Variants in SPATA6 observed in about 807,000 individuals in gnomAD.
The protein encoded by SPATA6 is spermatogenesis associated 6.
A neutral mutation model predicts 65.3 loss-of-function variants in SPATA6; 56 were observed. The observed-to-expected ratio is 0.86, with a 90% CI of 0.69 to 1.07. SPATA6 has a LOEUF of 1.07. Among genes scored for constraint, SPATA6 ranks in the 50% least tolerant of loss-of-function variants. The pLI is 0.00. For synonymous variants in SPATA6, 199 were observed against 213.2 expected (o/e 0.93, Z 0.58); for missense variants, 590 against 594.8 (o/e 0.99, Z 0.08).
chr1:48,408,309 T>A (rs1031099077), intron 5 of SPATA6, among the ~76,000 whole-genome samples: 1 of 152,226 alleles, frequency 6.6e-6, no homozygotes, highest in Non-Finnish European at 1.5e-5. Context: ...TGAAATGGCA[T>A]GGGCTTCTCT....
Position 48,393,656 on chromosome 1 carries a change from T to TA in SPATA6, c.868+1610dup, listed in dbSNP as rs146874896. ...CTGAATTAGTCTGCTCAGGCTGCCA[T>TA]AACAAAATATCATGGACTGGGTAGC... On this transcript the variant is annotated intron_variant, in intron 8 of 12. Coordinates refer to ENST00000371847, the MANE Select transcript of SPATA6 (RefSeq NM_019073.4). 4.5e-3 allele frequency among the ~76,000 whole-genome samples: 692 copies of TA among 152,232 alleles called. 4 individuals are homozygous for TA. The highest frequency in any genetic ancestry group is 0.015 in the African/African-American group (618 of 41,546).
chr1:48,376,528 T>TAA (rs529011057), intron 9 of SPATA6, among the ~76,000 whole-genome samples: 2,088 of 140,978 alleles, frequency 0.015, 48 homozygotes, highest in African/African-American at 0.051. Context: ...TCCTGGAATT[T>TAA]AAAAAAAAAA....
In SPATA6 at chr1:48,325,604, T is replaced by C. The variant is rs866353005; in HGVS notation, c.1195-19726A>G. The C allele has an allele frequency of 1.8e-5, 15 of 827,734 alleles. No homozygotes were observed. The Middle Eastern group carries it at 2.8e-3, about 154-fold the overall frequency. 51.3% of individuals were successfully genotyped at this position (827,734 alleles called of 1,614,324 possible). ...AATGGTAAAGGTGGAAATCCACTTG[T>C]TGTGGGCAGTGTTGAACTATGTCAG... On this transcript the variant is annotated intron_variant, in intron 11 of 12. Coordinates refer to ENST00000371847, the MANE Select transcript of SPATA6 (RefSeq NM_019073.4).
chr1:48,262,212 G>A, the SPATA6 span: 2 of 152,278 alleles, frequency 1.3e-5, no homozygotes, highest in Non-Finnish European at 2.9e-5. Flanking sequence ...AGTGAACCAT[G>A]AGTGCTGAAT....
Position 48,403,823 on chromosome 1 carries a change from A to T in SPATA6, c.465T>A (p.Ser155Arg). The T allele has an allele frequency of 4.3e-6, 7 of 1,609,332 alleles. No homozygotes were observed. The highest frequency in any genetic ancestry group is 5.9e-6 in the Non-Finnish European group (7 of 1,178,184). ...TAACCTGAGTGTGGCATTTCCTTGA[A>T]CTTATCAGACATTCAGTAATCACTG... ...TTSVITECLI[S>R]SRKCHTQDKF... Residue 155 changes from serine to arginine, a missense_variant, in exon 6 of 13, where the codon AGT becomes AGA. By Grantham distance (110) the Ser-to-Arg change is moderately radical (BLOSUM62 -1). Transcript: ENST00000371847.
intron 11 of SPATA6, among the ~76,000 whole-genome samples, chr1:48,320,132 G>A (rs1380009180): frequency 3.9e-5 from 6 of 152,080 alleles, no homozygotes; most frequent in African/African-American, 1.4e-4. Context: ...GTCTCAAAAG[G>A]ACAAATCTAA....
chr1:48,464,842 A>ATACATT (rs1185151170), intron 1 of SPATA6, among the ~76,000 whole-genome samples: 1 of 152,154 alleles, frequency 6.6e-6, no homozygotes, highest in African/African-American at 2.4e-5. Context: ...ATTGGTGATT[A>ATACATT]TACATTTACG....
At chr1:48,307,200 C>T (rs1035202972) in intron 11 of SPATA6, among the ~76,000 whole-genome samples, 1 of 151,336 alleles carries the variant, frequency 6.6e-6, no homozygotes, top group Non-Finnish European at 1.5e-5. Context: ...AGTAAAAATA[C>T]AACTACTAAA....
intron 11 of SPATA6, among the ~76,000 whole-genome samples, chr1:48,340,241 TAAAAAAAAAAAAAA>T (rs58721253): frequency 1.5e-4 from 8 of 53,052 alleles, no homozygotes; most frequent in Admixed American, 4.4e-4. Flanking sequence ...AGGCCTGCAC[TAAAAAAAAAAAAAA>T]AAAAAAAAAA....
intron 3 of SPATA6, among the ~76,000 whole-genome samples, chr1:48,415,390 T>C (rs1652665616): frequency 6.6e-6 from 1 of 152,214 alleles, no homozygotes; most frequent in South Asian, 2.1e-4. Flanking sequence ...TCATAGCCTT[T>C]CCCCATATTT....
intron 1 of SPATA6, among the ~76,000 whole-genome samples, chr1:48,461,153 T>C (rs1358051743): frequency 1.3e-5 from 2 of 152,194 alleles, no homozygotes; most frequent in Non-Finnish European, 2.9e-5. Context: ...GAAGTGTCTG[T>C]TCATATCCTT....
rs1427619160 is a variant in SPATA6, at chr1:48,379,947, A to G, written c.909+5362T>C. ...AAAATAAAACTCACCACAACAAATA[A>G]GTATGTGAAGTAATAGATACATTAA... On this transcript the variant is annotated intron_variant, in intron 9 of 12. Coordinates refer to ENST00000371847, the MANE Select transcript of SPATA6 (RefSeq NM_019073.4). 2.6e-5 allele frequency among the ~76,000 whole-genome samples: 4 copies of G among 152,246 alleles called. No homozygotes were observed. The East Asian group carries it at 7.7e-4, about 29-fold the overall frequency.
intron 9 of SPATA6, among the ~76,000 whole-genome samples, chr1:48,374,565 G>A (rs1647669709): frequency 6.6e-6 from 1 of 152,090 alleles, no homozygotes; most frequent in African/African-American, 2.4e-5. Flanking sequence ...AAATAACTTG[G>A]TTATTTTCTT....
chr1:48,451,132 AG>A (rs1380209530), intron 3 of SPATA6, among the ~76,000 whole-genome samples: 11 of 152,238 alleles, frequency 7.2e-5, no homozygotes, highest in African/African-American at 2.7e-4. Context: ...AAAGTGCAAA[AG>A]CATATATTTT....
intron 11 of SPATA6, among the ~76,000 whole-genome samples, chr1:48,316,271 G>A (rs1645416334): frequency 6.6e-6 from 1 of 152,172 alleles, no homozygotes; most frequent in African/African-American, 2.4e-5. Context: ...CACGCTACCT[G>A]ACTTCAAACT....
chr1:48,299,993 G>C (rs1020228528), intron 12 of SPATA6, among the ~76,000 whole-genome samples: 1 of 151,990 alleles, frequency 6.6e-6, no homozygotes, highest in Non-Finnish European at 1.5e-5. Flanking sequence ...TAGTTTTGAG[G>C]GTCTTAAGGA....
chr1:48,339,467 T>C (rs1646147892), intron 11 of SPATA6, among the ~76,000 whole-genome samples: 1 of 151,988 alleles, frequency 6.6e-6, no homozygotes, highest in Non-Finnish European at 1.5e-5. Context: ...ATCCAGGTAT[T>C]AAGAGTTAGA....
At chr1:48,457,257 C>A (rs1657076820) in intron 1 of SPATA6, among the ~76,000 whole-genome samples, 1 of 151,956 alleles carries the variant, frequency 6.6e-6, no homozygotes, top group Admixed American at 6.6e-5. Context: ...CATGGCGAAA[C>A]CCCATCTCTA....
Position 48,472,165 on chromosome 1 carries a change from C to A in SPATA6, c.-157G>T. The A allele has an allele frequency of 1.8e-6, 1 of 564,274 alleles. No homozygotes were observed. Among genetic ancestry groups the A allele is most frequent in the Non-Finnish European group, 3.0e-6 (1 of 336,958 alleles). 35.0% of individuals were successfully genotyped at this position (564,274 alleles called of 1,614,324 possible). On this transcript the variant is annotated 5_prime_UTR_variant, in exon 1 of 13. Coordinates refer to ENST00000371847, the MANE Select transcript of SPATA6 (RefSeq NM_019073.4). ...GCCCGCGGTCCAGCCTGGGTTCCGC[C>A]GGAGAAGCAGCTGAGCGCGGGGCGC...
Sources: allele counts gnomAD v4.1 joint callset (sites outside exome capture counted in the v4.1 genomes callset), GRCh38; gene constraint gnomAD v4.1.1; transcripts MANE v1.5; gene names NCBI Gene and HGNC (gene_info 2026-07-23, HGNC 2026-07-21).